ERI3: variants seen among roughly 807,000 people sequenced by gnomAD.
ERI3 encodes the protein ERI1 exoribonuclease 3.
A neutral mutation model predicts 44.4 loss-of-function variants in ERI3; 18 were observed. The ratio of observed to expected loss-of-function variants is 0.41; its 90% CI spans 0.28 to 0.60. The LOEUF is 0.60. Ranked by LOEUF, ERI3 falls within the 20% of genes least tolerant of loss-of-function variation. ERI3 has a pLI of 0.36. For missense variants in ERI3, 294 were observed against 435.5 expected, an observed-to-expected ratio of 0.68 and a Z score of 2.89; for synonymous variants, 183 against 164.8, an observed-to-expected ratio of 1.11 and a Z score of -0.84.
At chr1:44,307,519 GC>G (rs1163706008) in intron 6 of ERI3, among the ~76,000 whole-genome samples, 1 of 152,046 alleles carries the variant, frequency 6.6e-6, no homozygotes, top group Non-Finnish European at 1.5e-5. Context: ...AGCAAACAGT[GC>G]CCCCACCACC....
At chr1:44,314,941 T>C (rs1282315727) in intron 4 of ERI3, among the ~76,000 whole-genome samples, 1 of 152,246 alleles carries the variant, frequency 6.6e-6, no homozygotes, top group Non-Finnish European at 1.5e-5. Context: ...TGCCCTGTTT[T>C]GCCTCAGGCA....
chr1:44,291,004 C>G (rs1201798682), intron 6 of ERI3, among the ~76,000 whole-genome samples: 1 of 152,106 alleles, frequency 6.6e-6, no homozygotes, highest in Non-Finnish European at 1.5e-5. Context: ...GCCCGTGACA[C>G]CTTTTATCTC....
At position 44,322,999 on chromosome 1, in the gene ERI3, T is replaced by C. The variant is rs1314035408; in HGVS notation, c.490-3255A>G. ...CCTCTATGTCCAGTTGCTCAGATAA[T>C]GAAACTGTTATTCCTGACCCTGACC... On this transcript the variant is annotated intron_variant, in intron 3 of 8. Coordinates refer to ENST00000372257, the MANE Select transcript of ERI3 (RefSeq NM_024066.3). The C allele has an allele frequency of 5.6e-6, 7 of 1,259,208 alleles. No homozygotes were observed. The Admixed American group carries it at 1.0e-4, about 19-fold the overall frequency. The allele number at this position is 1,259,208 out of a possible 1,614,324, so 78.0% of individuals were successfully genotyped here. A position where few individuals can be genotyped will look rare whatever the true frequency, so the allele number is the denominator to read the frequency against.
At chr1:44,277,282 T>C (rs1233359539) in intron 7 of ERI3, among the ~76,000 whole-genome samples, 1 of 151,732 alleles carries the variant, frequency 6.6e-6, no homozygotes, top group Non-Finnish European at 1.5e-5. Flanking sequence ...CTCCACCCCT[T>C]CTCCTCTCAC....
chr1:44,260,557 T>A (rs891006100), intron 7 of ERI3, among the ~76,000 whole-genome samples: 1 of 152,182 alleles, frequency 6.6e-6, no homozygotes, highest in Admixed American at 6.5e-5. Context: ...GTATAGTCTC[T>A]GGATGGCTAG....
At position 44,226,658 on chromosome 1, in the gene ERI3, T is replaced by A. The variant is rs2154315219; in HGVS notation, c.932-5018A>T. 1.3e-5 allele frequency among the ~76,000 whole-genome samples: 2 copies of A among 152,136 alleles called. 1 individual carries two copies. Among genetic ancestry groups the A allele is most frequent in the South Asian group, 4.2e-4 (2 of 4,806 alleles). On this transcript the variant is annotated intron_variant, in intron 8 of 8. Transcript: ENST00000372257. ...CAGTGCCACTCACTGAGATAAGGCATACCAGGGAAGGTGCAAATTTGGATG... is the reference window on the plus strand; with the variant it reads ...CAGTGCCACTCACTGAGATAAGGCAAACCAGGGAAGGTGCAAATTTGGATG...
At chr1:44,278,034 TTTTA>T (rs1234880506) in intron 7 of ERI3, among the ~76,000 whole-genome samples, 1 of 152,192 alleles carries the variant, frequency 6.6e-6, no homozygotes, top group Non-Finnish European at 1.5e-5. Flanking sequence ...TAATAATATA[TTTTA>T]TTTTAGTATA....
intron 2 of ERI3, among the ~76,000 whole-genome samples, chr1:44,350,196 A>C (rs889514216): frequency 2.0e-5 from 3 of 152,134 alleles, no homozygotes; most frequent in Non-Finnish European, 4.4e-5. Context: ...GAGCCCTAAG[A>C]CCAAGACTCC....
intron 3 of ERI3, among the ~76,000 whole-genome samples, chr1:44,333,976 C>T (rs1442878367): frequency 6.6e-6 from 1 of 152,196 alleles, no homozygotes; most frequent in African/African-American, 2.4e-5. Flanking sequence ...CACTAGAAAC[C>T]TCAACCCCAA....
intron 3 of ERI3, chr1:44,322,783 A>T: frequency 6.5e-7 from 1 of 1,550,296 alleles, no homozygotes; most frequent in Non-Finnish European, 8.7e-7. Context: ...ATACTGGCCC[A>T]AACAGCCCAG....
intron 7 of ERI3, among the ~76,000 whole-genome samples, chr1:44,249,488 A>G (rs147538750): frequency 1.4e-4 from 21 of 152,334 alleles, no homozygotes; most frequent in African/African-American, 4.8e-4. Context: ...TTCCAGCTGC[A>G]GGAACCAACA....
At chr1:44,250,240 G>T (rs966004635) in intron 7 of ERI3, among the ~76,000 whole-genome samples, 1 of 152,208 alleles carries the variant, frequency 6.6e-6, no homozygotes, top group Admixed American at 6.5e-5. Context: ...TTAAAGCGAC[G>T]GGCGGGCGGC....
intron 7 of ERI3, among the ~76,000 whole-genome samples, chr1:44,253,314 A>G (rs1252901570): frequency 6.6e-6 from 1 of 152,172 alleles, no homozygotes; most frequent in South Asian, 2.1e-4. Context: ...TCTGAGCCTC[A>G]GTTTCTTGTA....
At chr1:44,289,849 G>A (rs759973297) in intron 6 of ERI3, among the ~76,000 whole-genome samples, 20 of 152,272 alleles carry the variant, frequency 1.3e-4, no homozygotes, top group Non-Finnish European at 2.2e-4. Context: ...CAGATGTGGG[G>A]GAGAGCTGCT....
chr1:44,263,671 C>A (rs1454198961), intron 7 of ERI3, among the ~76,000 whole-genome samples: 1 of 152,224 alleles, frequency 6.6e-6, no homozygotes, highest in Non-Finnish European at 1.5e-5. Flanking sequence ...TGTGGCCCCA[C>A]TCCTGAGAGG....
chr1:44,299,666 G>A (rs1340555930), intron 6 of ERI3, among the ~76,000 whole-genome samples: 1 of 152,152 alleles, frequency 6.6e-6, no homozygotes, highest in East Asian at 1.9e-4. Flanking sequence ...AGTCAGAAAG[G>A]CCCAAGCAAA....
intron 2 of ERI3, among the ~76,000 whole-genome samples, chr1:44,350,947 C>A (rs192156442): frequency 6.6e-6 from 1 of 152,070 alleles, no homozygotes; most frequent in Non-Finnish European, 1.5e-5. Flanking sequence ...ATGCTATCCA[C>A]GTAATTGCCA....
intron 7 of ERI3, among the ~76,000 whole-genome samples, chr1:44,259,457 G>A (rs1236437950): frequency 6.6e-6 from 1 of 152,112 alleles, no homozygotes; most frequent in East Asian, 1.9e-4. Context: ...GACCTCAAAG[G>A]ACACGGTAAG....
rs897144462 is a variant in ERI3 at position 44,228,042 on chromosome 1, C to T, written c.932-6402G>A. ...ATAAATTCCTGATATCCCCACCCCC[C>T]AGTTCCTTGTCTCAGACATGGCCTA... On this transcript the variant is annotated intron_variant, in intron 8 of 8. Transcript: ENST00000372257. The surrounding 1 kb of genome is among the most constrained non-coding windows in gnomAD (Gnocchi z 4.3). Among the ~76,000 whole-genome samples, 18 of 152,066 alleles carry T rather than the reference C, an allele frequency of 1.2e-4. No individual in the cohort carries two copies. The highest frequency in any genetic ancestry group is 4.1e-4 in the African/African-American group (17 of 41,366).
Sources: gnomAD v4.1 joint callset for allele counts (sites outside exome capture counted in the v4.1 genomes callset) on GRCh38, gnomAD v4.1.1 for gene constraint, Gnocchi (gnomAD v3.1) non-coding constraint, MANE v1.5 for transcripts, NCBI Gene and HGNC (gene_info 2026-07-23, HGNC 2026-07-21) for gene names.